Variants in ZEB2 observed in about 807,000 individuals in gnomAD.
ZEB2 encodes the protein zinc finger E-box-binding homeobox 2.
ZEB2 carries 6 observed loss-of-function variants against 99.9 expected under a neutral mutation model. The observed-to-expected ratio is 0.06, with a 90% CI of 0.03 to 0.12. ZEB2 has a LOEUF of 0.12. Among genes scored for constraint, ZEB2 ranks in the 10% least tolerant of loss-of-function variants. The pLI is 1.00. For missense variants in ZEB2, 969 were observed against 1,502.8 expected (o/e 0.64, Z 5.87); for synonymous variants, 517 against 542.5 (o/e 0.95, Z 0.65).
intron 2 of ZEB2, among the ~76,000 whole-genome samples, chr2:144,483,272 T>C (rs2381593): frequency 1 from 151,535 of 152,294 alleles, 75,393 homozygotes; most frequent in East Asian, 1. Context: ...AAGTAATAGG[T>C]CAATTTTCCA....
intron 2 of ZEB2, chr2:144,513,634 T>C (rs1380478891): frequency 9.1e-6 from 14 of 1,533,332 alleles, no homozygotes; most frequent in Non-Finnish European, 1.2e-5. Flanking sequence ...GCAGACCCTC[T>C]TCCCGGGCTC....
chr2:144,485,624 C>A (rs936270374), intron 2 of ZEB2, among the ~76,000 whole-genome samples: 7 of 151,846 alleles, frequency 4.6e-5, no homozygotes, highest in African/African-American at 1.5e-4. Flanking sequence ...TCTTTTATTT[C>A]TTTATTTATT....
chr2:144,518,759 C>G (rs543497495), intron 1 of ZEB2: 1 of 152,262 alleles, frequency 6.6e-6, no homozygotes, highest in Admixed American at 6.5e-5. Context: ...TAGGGGAAAT[C>G]CTGAAATAAA....
In ZEB2 at chr2:144,386,975, GT is replaced by G. The variant is rs1357378222; in HGVS notation, c.*2475del. The G allele has an allele frequency of 8.8e-6, 1 of 113,382 alleles. No homozygotes were observed. The highest frequency in any genetic ancestry group is 1.6e-5 in the Non-Finnish European group (1 of 60,628). The allele number at this position is 113,382 out of a possible 1,614,324, so 7.0% of individuals were successfully genotyped here. ...AGTTTGAAGATAGAGCTAAAAACAT[GT>G]TTTTCTAAAAAGGTCTGCTCAACTA... On this transcript the variant is annotated 3_prime_UTR_variant, in exon 10 of 10. Coordinates refer to ENST00000627532, the MANE Select transcript of ZEB2 (RefSeq NM_014795.4).
intron 2 of ZEB2, chr2:144,512,952 T>C (rs778683363): frequency 1.6e-6 from 2 of 1,287,156 alleles, no homozygotes; most frequent in Non-Finnish European, 2.0e-6. Context: ...GCTCATCAAC[T>C]TTACGAAGAA....
At chr2:144,432,927 C>T (rs1560622281) in intron 2 of ZEB2, among the ~76,000 whole-genome samples, 1 of 152,126 alleles carries the variant, frequency 6.6e-6, no homozygotes, top group Non-Finnish European at 1.5e-5. Context: ...TGTTTTTGAA[C>T]TTATGATATA....
intron 4 of ZEB2, among the ~76,000 whole-genome samples, chr2:144,410,954 G>T (rs1703451934): frequency 6.7e-6 from 1 of 150,120 alleles, no homozygotes; most frequent in African/African-American, 2.4e-5. Context: ...CAGTGTTCTT[G>T]GAAATGAGGA....
chr2:144,423,513 G>A (rs546759204), intron 4 of ZEB2, among the ~76,000 whole-genome samples: 252 of 152,186 alleles, frequency 1.7e-3, no homozygotes, highest in African/African-American at 5.8e-3. Context: ...GAATCTATTC[G>A]TTTTGCAGTT....
chr2:144,405,228 A>G (rs533079041), intron 4 of ZEB2: 12 of 602,462 alleles, frequency 2.0e-5, no homozygotes, highest in Non-Finnish European at 3.5e-5. Context: ...CTTTCCTTCA[A>G]GTTAAATAAG....
Position 144,385,134 on chromosome 2 carries a change from T to TTA in ZEB2, c.*4315_*4316dup, listed in dbSNP as rs1167929367. 6.6e-6 allele frequency: 1 copy of TTA among 152,190 alleles called. No homozygotes were observed. The highest frequency in any genetic ancestry group is 1.5e-5 in the Non-Finnish European group (1 of 68,018). 9.4% of individuals were successfully genotyped at this position (152,190 alleles called of 1,614,324 possible). ...AATTTTTCAGAATTTATAGGAGTGC[T>TTA]TATATAAGCGATAATAATTGGACCA... is the stretch of plus-strand genomic sequence containing the variant. On this transcript the variant is annotated 3_prime_UTR_variant, in exon 10 of 10. Coordinates refer to ENST00000627532, the MANE Select transcript of ZEB2 (RefSeq NM_014795.4).
At chr2:144,486,417 T>C (rs1704598777) in intron 2 of ZEB2, among the ~76,000 whole-genome samples, 1 of 151,934 alleles carries the variant, frequency 6.6e-6, no homozygotes, top group Non-Finnish European at 1.5e-5. Context: ...AACTGTATTT[T>C]CATAAAATAA....
intron 3 of ZEB2, chr2:144,429,037 C>G (rs1245984070): frequency 1.3e-5 from 2 of 152,176 alleles, no homozygotes; most frequent in East Asian, 3.9e-4. Flanking sequence ...CATTTCATAC[C>G]TTAGCGATTC....
chr2:144,422,387 TAGAA>T (rs1243192918), intron 4 of ZEB2, among the ~76,000 whole-genome samples: 2 of 152,178 alleles, frequency 1.3e-5, no homozygotes, highest in East Asian at 3.8e-4. Flanking sequence ...CCTCTTCAAT[TAGAA>T]AGCCCTTCCT....
intron 2 of ZEB2, chr2:144,450,088 G>T (rs1429227026): frequency 2.0e-5 from 3 of 152,012 alleles, no homozygotes; most frequent in African/African-American, 7.2e-5. Context: ...CACTGGAATT[G>T]TATTACCACT....
At chr2:144,440,515 AT>A (rs201944188) in intron 2 of ZEB2, among the ~76,000 whole-genome samples, 38 of 32,770 alleles carry the variant, frequency 1.2e-3, no homozygotes, top group African/African-American at 2.5e-3. Context: ...ATATATATAT[AT>A]TTTTTTTTTT....
intron 2 of ZEB2, among the ~76,000 whole-genome samples, chr2:144,464,613 A>T (rs113564379): frequency 4.2e-4 from 64 of 152,328 alleles, no homozygotes; most frequent in African/African-American, 1.5e-3. Context: ...AATGTACATT[A>T]ATAAGCATAA....
chr2:144,420,412 C>T (rs898991322), intron 4 of ZEB2, among the ~76,000 whole-genome samples: 1 of 151,974 alleles, frequency 6.6e-6, no homozygotes, highest in Non-Finnish European at 1.5e-5. Flanking sequence ...TATTTAATTA[C>T]CTCAGTAATT....
intron 9 of ZEB2, among the ~76,000 whole-genome samples, chr2:144,392,241 A>G (rs1018300325): frequency 6.6e-6 from 1 of 152,216 alleles, no homozygotes; most frequent in Non-Finnish European, 1.5e-5. Flanking sequence ...AGGAGCACAA[A>G]AAGGTCAACT....
At chr2:144,392,159 G>C (rs757724455) in intron 9 of ZEB2, among the ~76,000 whole-genome samples, 2 of 152,186 alleles carry the variant, frequency 1.3e-5, no homozygotes, top group African/African-American at 4.8e-5. Context: ...TTTTCTTGAT[G>C]CTCTAGTTGC....
Sources: gnomAD v4.1 joint callset for allele counts (sites outside exome capture counted in the v4.1 genomes callset) on GRCh38, gnomAD v4.1.1 for gene constraint, MANE v1.5 for transcripts, NCBI Gene and HGNC (gene_info 2026-07-23, HGNC 2026-07-21) for gene names.